Variants in IRF2BPL observed in about 807,000 individuals in gnomAD.
The protein encoded by IRF2BPL is probable E3 ubiquitin-protein ligase IRF2BPL.
Under a neutral mutation model 51.2 loss-of-function variants are expected in IRF2BPL, and 13 were observed. The ratio of observed to expected loss-of-function variants is 0.25; its 90% CI spans 0.17 to 0.40. IRF2BPL has a LOEUF of 0.40. IRF2BPL is among the 10% of genes least tolerant of loss of function. IRF2BPL has a pLI of 1.00. For missense variants in IRF2BPL, 1,210 were observed against 1,111.8 expected (o/e 1.09, Z -1.26); for synonymous variants, 768 against 509.2 (o/e 1.51, Z -6.84).
rs1455786439 is a variant in IRF2BPL at position 77,026,347 on chromosome 14, C to T, written c.1446G>A (p.Val482=). 5 of 1,602,310 alleles carry T rather than the reference C, an allele frequency of 3.1e-6. No individual in the cohort carries two copies. The highest frequency in any genetic ancestry group is 2.2e-5 in the South Asian group (2 of 89,696). ...CGGGCACGCCCTCCTTGAAGAAGCG[C>T]ACGGCTTCGGGGAGCAGGTCTCCAA... The part of the protein sequence containing the change: ...RLLGDLLPEA[V]RFFKEGVPGA... Residue 482 remains valine, a synonymous_variant, in exon 1 of 1, where the codon GTG becomes GTA. Transcript: ENST00000238647.
chr14:77,026,520 T>C lies in IRF2BPL; in HGVS notation c.1273A>G (p.Thr425Ala). 6.2e-7 allele frequency: 1 copy of C among 1,613,648 alleles called. No individual in the cohort carries two copies. The highest frequency in any genetic ancestry group is 8.5e-7 in the Non-Finnish European group (1 of 1,179,992). ...CTGGAGTACACGTTGCCCGAGCCCG[T>C]GGGGTACTCAATGAACAGCTTCAAT... ...YELKLFIEYP[T>A]GSGNVYSSAS... The change falls in exon 1 of 1, where the codon ACG (threonine) becomes GCG (alanine). Residue 425 changes from threonine (T) to alanine (A), a missense_variant. Coordinates refer to ENST00000238647, the MANE Select transcript of IRF2BPL (RefSeq NM_024496.4).
At position 77,027,087 on chromosome 14, in the gene IRF2BPL, C is replaced by G. The variant is rs756914236; in HGVS notation, c.706G>C (p.Val236Leu). The G allele has an allele frequency of 1.2e-6, 2 of 1,608,438 alleles. No homozygotes were observed. The highest frequency in any genetic ancestry group is 2.7e-5 in the African/African-American group (2 of 74,872). ...CCCCCCGGGTTGGGCAGCCCCGTAA[C>G]CAGCCCACCGTGCGTTCCACGCCGA... The part of the protein sequence containing the change: ...ASRRGTHGGL[V>L]TGLPNPGGGG... The change falls in exon 1 of 1, where the codon GTT becomes CTT. Residue 236 changes from valine to leucine, a missense_variant. Transcript: ENST00000238647.
chr14:77,027,555 T>C lies in IRF2BPL; in HGVS notation c.238A>G (p.Thr80Ala). 3 of 870,076 alleles carry C rather than the reference T, an allele frequency of 3.4e-6. No individual in the cohort carries two copies. Among genetic ancestry groups the C allele is most frequent in the Non-Finnish European group, 4.6e-6 (3 of 649,968 alleles). The allele number at this position is 870,076 out of a possible 1,614,324, so 53.9% of individuals were successfully genotyped here. The change falls in exon 1 of 1, where the codon ACA becomes GCA. Residue 80 changes from threonine (T) to alanine (A), a missense_variant. Physicochemically the swap from Thr to Ala is moderately conservative, Grantham distance 58. Transcript: ENST00000238647. ...PGPPPPVGVK[T>A]VALSAKEAAA... ...GCTTCCTTAGCCGACAGGGCCACTG[T>C]CTTGACCCCGACGGGCGGCGGCGGC...
rs1817356691 is a variant in IRF2BPL, at chr14:77,027,284, C to A, written c.509G>T (p.Arg170Leu). Reference protein sequence around the residue: ...AAAAAVEQRSRFEYPPPPVSL... With the variant: ...AAAAAVEQRSLFEYPPPPVSL... ...CACCGGCGGTGGCGGGTACTCGAAGCGGCTGCGCTGTTCCACCGCAGCGGC... is the reference window on the plus strand; with the variant it reads ...CACCGGCGGTGGCGGGTACTCGAAGAGGCTGCGCTGTTCCACCGCAGCGGC... Residue 170 changes from arginine (R) to leucine (L), a missense_variant, in exon 1 of 1, where the codon CGC becomes CTC. Transcript: ENST00000238647. The A allele has an allele frequency of 5.1e-6, 8 of 1,575,812 alleles. No homozygotes were observed. The highest frequency in any genetic ancestry group is 1.1e-5 in the South Asian group (1 of 87,366).
chr14:77,024,850 C>T lies in IRF2BPL; in HGVS notation c.*552G>A, dbSNP rs1024795175. 2.4e-5 allele frequency: 2 copies of T among 83,710 alleles called. No homozygotes were observed. Among genetic ancestry groups the T allele is most frequent in the East Asian group, 7.1e-4 (2 of 2,830 alleles). 5.2% of individuals were successfully genotyped at this position (83,710 alleles called of 1,614,324 possible). On this transcript the variant is annotated 3_prime_UTR_variant, in exon 1 of 1. Transcript: ENST00000238647. Reference sequence around the variant, plus strand: ...AAAACAGAAAAACAAAACAAAACAACAAAATAAAGTGAAGACTTCAACACT... The same window carrying T: ...AAAACAGAAAAACAAAACAAAACAATAAAATAAAGTGAAGACTTCAACACT...
In IRF2BPL at chr14:77,027,013, C is replaced by G; in HGVS notation, c.780G>C (p.Thr260=). Reference sequence around the variant, plus strand: ...CAGCGCTGGCCGGGCCGTTAAGCAGCGTCTGCGGTAGCAGGTTGGGGGGCA... The same window carrying G: ...CAGCGCTGGCCGGGCCGTTAAGCAGGGTCTGCGGTAGCAGGTTGGGGGGCA... ...LTVPPNLLPQ[T]LLNGPASAAV... is the part of the protein sequence containing the mutation. The change falls in exon 1 of 1, where the codon ACG becomes ACC. Residue 260 remains threonine, a synonymous_variant. Transcript: ENST00000238647. The G allele has an allele frequency of 6.6e-7, 1 of 1,519,356 alleles. No individual in the cohort carries two copies. The highest frequency in any genetic ancestry group is 8.8e-7 in the Non-Finnish European group (1 of 1,134,944). The allele number at this position is 1,519,356 out of a possible 1,614,324, so 94.1% of individuals were successfully genotyped here. A position where few individuals can be genotyped will look rare whatever the true frequency, so the allele number is the denominator to read the frequency against.
chr14:77,027,552 C>G lies in IRF2BPL; in HGVS notation c.241G>C (p.Val81Leu), dbSNP rs773063496. The change falls in exon 1 of 1, where the codon GTG becomes CTG. Residue 81 changes from valine to leucine, a missense_variant. By Grantham distance (32) the Val-to-Leu change is conservative (BLOSUM62 1). Transcript: ENST00000238647. Reference sequence around the variant, plus strand: ...GCCGCTTCCTTAGCCGACAGGGCCACTGTCTTGACCCCGACGGGCGGCGGC... The same window carrying G: ...GCCGCTTCCTTAGCCGACAGGGCCAGTGTCTTGACCCCGACGGGCGGCGGC... ...GPPPPVGVKT[V>L]ALSAKEAAAA... is the part of the protein sequence containing the mutation. 2 of 774,622 alleles carry G rather than the reference C, an allele frequency of 2.6e-6. No individual in the cohort carries two copies. The highest frequency in any genetic ancestry group is 6.3e-5 in the South Asian group (2 of 31,854). The allele number at this position is 774,622 out of a possible 1,614,324, so 48.0% of individuals were successfully genotyped here.
Position 77,025,392 on chromosome 14 carries a change from G to A in IRF2BPL, c.*10C>T, listed in dbSNP as rs1345282716. Reference sequence around the variant, plus strand: ...CTGGTCTAGGGCAAAGGAGGTGGCTGCCCAGTGGTTCAAGGGTCTCTCTCC... The same window carrying A: ...CTGGTCTAGGGCAAAGGAGGTGGCTACCCAGTGGTTCAAGGGTCTCTCTCC... On this transcript the variant is annotated 3_prime_UTR_variant, in exon 1 of 1. Transcript: ENST00000238647. 7.8e-6 allele frequency: 12 copies of A among 1,529,036 alleles called. No homozygotes were observed. The East Asian group carries it at 2.5e-4, about 32-fold the overall frequency. The allele number at this position is 1,529,036 out of a possible 1,614,324, so 94.7% of individuals were successfully genotyped here. A position where few individuals can be genotyped will look rare whatever the true frequency, so the allele number is the denominator to read the frequency against.
Position 77,027,196 on chromosome 14 carries a change from G to T in IRF2BPL, c.597C>A (p.Phe199Leu). 6.2e-7 allele frequency: 1 copy of T among 1,611,314 alleles called. No individual in the cohort carries two copies. Among genetic ancestry groups the T allele is most frequent in the South Asian group, 1.1e-5 (1 of 90,934 alleles). The change falls in exon 1 of 1, where the codon TTC (phenylalanine) becomes TTA (leucine). Residue 199 changes from phenylalanine to leucine, a missense_variant. Phe to Leu is a conservative substitution (Grantham distance 22, BLOSUM62 0). Coordinates refer to ENST00000238647, the MANE Select transcript of IRF2BPL (RefSeq NM_024496.4). Reference protein sequence around the residue: ...LPNGLGGPNGFPKPTPEEGPP... With the variant: ...LPNGLGGPNGLPKPTPEEGPP... Reference sequence around the variant, plus strand: ...GTCCCTCCTCTGGTGTTGGTTTGGGGAAGCCGTTTGGGCCCCCCAGGCCGT... The same window carrying T: ...GTCCCTCCTCTGGTGTTGGTTTGGGTAAGCCGTTTGGGCCCCCCAGGCCGT...
At position 77,028,531 on chromosome 14, in the gene IRF2BPL, C is replaced by T; in HGVS notation, c.-739G>A. 1 of 352,866 alleles carries T rather than the reference C, an allele frequency of 2.8e-6. No individual in the cohort carries two copies. Among genetic ancestry groups the T allele is most frequent in the Non-Finnish European group, 5.1e-6 (1 of 196,196 alleles). The allele number at this position is 352,866 out of a possible 1,614,324, so 21.9% of individuals were successfully genotyped here. Reference sequence around the variant, plus strand: ...CCCCCAGGCCTGGCCGGCGCCCGGGCCGCCGCGGCTGGCGGCGCTCACGTT... The same window carrying T: ...CCCCCAGGCCTGGCCGGCGCCCGGGTCGCCGCGGCTGGCGGCGCTCACGTT... On this transcript the variant is annotated 5_prime_UTR_variant, in exon 1 of 1. Coordinates refer to ENST00000238647, the MANE Select transcript of IRF2BPL (RefSeq NM_024496.4).
Position 77,025,926 on chromosome 14 carries a change from G to T in IRF2BPL, c.1867C>A (p.Pro623Thr). ...PESAPQNGPS[P>T]MAALMSVADT... ...GCCACCGACATGAGAGCGGCCATAG[G>T]GGACGGACCGTTCTGGGGGGCTGAC... Residue 623 changes from proline (P) to threonine (T), a missense_variant, in exon 1 of 1, where the codon CCT becomes ACT. Pro to Thr is a conservative substitution (Grantham distance 38). Coordinates refer to ENST00000238647, the MANE Select transcript of IRF2BPL (RefSeq NM_024496.4). The T allele has an allele frequency of 1.2e-6, 2 of 1,610,648 alleles. No individual in the cohort carries two copies. Among genetic ancestry groups the T allele is most frequent in the Non-Finnish European group, 1.7e-6 (2 of 1,179,016 alleles).
Position 77,026,082 on chromosome 14 carries a change from C to T in IRF2BPL, c.1711G>A (p.Ala571Thr), listed in dbSNP as rs1885106724. 2.5e-6 allele frequency: 4 copies of T among 1,572,686 alleles called. No individual in the cohort carries two copies. Among genetic ancestry groups the T allele is most frequent in the Non-Finnish European group, 3.4e-6 (4 of 1,164,268 alleles). ...GEEQQRQQWM[A>T]NQSEALKLTM... is the part of the protein sequence containing the mutation. Reference sequence around the variant, plus strand: ...AGCTTCAGCGCCTCGCTCTGGTTCGCCATCCACTGCTGCCTCTGCTGTTCC... The same window carrying T: ...AGCTTCAGCGCCTCGCTCTGGTTCGTCATCCACTGCTGCCTCTGCTGTTCC... The change falls in exon 1 of 1, where the codon GCG (alanine) becomes ACG (threonine). Residue 571 changes from alanine to threonine, a missense_variant. By Grantham distance (58) the Ala-to-Thr change is moderately conservative. Coordinates refer to ENST00000238647, the MANE Select transcript of IRF2BPL (RefSeq NM_024496.4).
Position 77,025,539 on chromosome 14 carries a change from C to A in IRF2BPL, c.2254G>T (p.Ala752Ser), listed in dbSNP as rs1885085864. Residue 752 changes from alanine (A) to serine (S), a missense_variant, in exon 1 of 1, where the codon GCC becomes TCC. Coordinates refer to ENST00000238647, the MANE Select transcript of IRF2BPL (RefSeq NM_024496.4). ...CSRESIKAQGATGEVYCPSGE... is the reference protein window; with the variant it reads ...CSRESIKAQGSTGEVYCPSGE... ...CTGGGGCAATACACCTCGCCGGTGG[C>A]CCCCTGGGCCTTGATACTCTCTCTA... The A allele has an allele frequency of 1.2e-6, 2 of 1,613,628 alleles. No homozygotes were observed. Among genetic ancestry groups the A allele is most frequent in the Non-Finnish European group, 1.7e-6 (2 of 1,179,804 alleles).
chr14:77,026,186 C>T lies in IRF2BPL; in HGVS notation c.1607G>A (p.Gly536Asp), dbSNP rs745856019. Residue 536 changes from glycine to aspartate, a missense_variant, in exon 1 of 1, where the codon GGC (glycine) becomes GAC (aspartate). By Grantham distance (94) the Gly-to-Asp change is moderately conservative. Transcript: ENST00000238647. ...TCTCTTGCGCAGGCTGGCGGCTGCGCCCCGGCCCGACGGCGCGGCGGGCGG... is the reference window on the plus strand; with the variant it reads ...TCTCTTGCGCAGGCTGGCGGCTGCGTCCCGGCCCGACGGCGCGGCGGGCGG... ...ALPPAAPSGR[G>D]AAASLRKRKA... 2.1e-6 allele frequency: 3 copies of T among 1,400,606 alleles called. No individual in the cohort carries two copies. The highest frequency in any genetic ancestry group is 2.8e-6 in the Non-Finnish European group (3 of 1,086,140). The allele number at this position is 1,400,606 out of a possible 1,614,324, so 86.8% of individuals were successfully genotyped here.
chr14:77,025,671 C>T lies in IRF2BPL; in HGVS notation c.2122G>A (p.Ala708Thr), dbSNP rs1257221421. Residue 708 changes from alanine (A) to threonine (T), a missense_variant, in exon 1 of 1, where the codon GCC (alanine) becomes ACC (threonine). Transcript: ENST00000238647. ...GTGCAGCAGAGGGGTCCGCTGTTGG[C>T]CATGGGGGAATCCGGAATGTTTTGG... is the stretch of plus-strand genomic sequence containing the variant. ...HPQNIPDSPM[A>T]NSGPLCCTIC... The T allele has an allele frequency of 1.3e-6, 2 of 1,562,956 alleles. No homozygotes were observed. Among genetic ancestry groups the T allele is most frequent in the East Asian group, 2.3e-5 (1 of 44,386 alleles).
At position 77,026,782 on chromosome 14, in the gene IRF2BPL, G is replaced by A. The variant is rs766729289; in HGVS notation, c.1011C>T (p.Ser337=). Residue 337 remains serine (S), a synonymous_variant, in exon 1 of 1, where the codon AGC becomes AGT. Transcript: ENST00000238647. ...AGGKRPGSVS[S]TDQERELKEK... ...CCTTCAACTCGCGCTCCTGGTCTGT[G>A]CTCGACACCGAGCCGGGCCTCTTAC... 11 of 1,612,518 alleles carry A rather than the reference G, an allele frequency of 6.8e-6. No homozygotes were observed. In the South Asian group the frequency reaches 8.8e-5, roughly 13 times the overall value.
Position 77,028,001 on chromosome 14 carries a change from G to T in IRF2BPL, c.-209C>A, listed in dbSNP as rs1291335740. On this transcript the variant is annotated 5_prime_UTR_variant, in exon 1 of 1. Coordinates refer to ENST00000238647, the MANE Select transcript of IRF2BPL (RefSeq NM_024496.4). ...TGGGGGCTCCACCGCCCGGGCAGCG[G>T]ACGGGTTCAGCCCTCTCTTCGCCCC... 9.0e-6 allele frequency: 5 copies of T among 556,174 alleles called. No homozygotes were observed. Among genetic ancestry groups the T allele is most frequent in the Non-Finnish European group, 1.5e-5 (5 of 332,998 alleles). The allele number at this position is 556,174 out of a possible 1,614,324, so 34.5% of individuals were successfully genotyped here. A position where few individuals can be genotyped will look rare whatever the true frequency, so the allele number is the denominator to read the frequency against.
Position 77,027,527 on chromosome 14 carries a change from G to T in IRF2BPL, c.266C>A (p.Ala89Glu), listed in dbSNP as rs1308039174. The T allele has an allele frequency of 1.4e-6, 1 of 697,584 alleles. No individual in the cohort carries two copies. Among genetic ancestry groups the T allele is most frequent in the African/African-American group, 2.1e-5 (1 of 47,166 alleles). 43.2% of individuals were successfully genotyped at this position (697,584 alleles called of 1,614,324 possible). The change falls in exon 1 of 1, where the codon GCG (alanine) becomes GAG (glutamate). Residue 89 changes from alanine (A) to glutamate (E), a missense_variant. Coordinates refer to ENST00000238647, the MANE Select transcript of IRF2BPL (RefSeq NM_024496.4). ...GGCCGCCGCTGCTGCCGCCGCCGCC[G>T]CCGCTTCCTTAGCCGACAGGGCCAC... Reference protein sequence around the residue: ...KTVALSAKEAAAAAAAAAAAA... With the variant: ...KTVALSAKEAEAAAAAAAAAA...
Position 77,025,349 on chromosome 14 carries a change from C to T in IRF2BPL, c.*53G>A. The T allele has an allele frequency of 7.4e-7, 1 of 1,358,754 alleles. No homozygotes were observed. The highest frequency in any genetic ancestry group is 9.9e-7 in the Non-Finnish European group (1 of 1,005,690). 84.2% of individuals were successfully genotyped at this position (1,358,754 alleles called of 1,614,324 possible). On this transcript the variant is annotated 3_prime_UTR_variant, in exon 1 of 1. Coordinates refer to ENST00000238647, the MANE Select transcript of IRF2BPL (RefSeq NM_024496.4). ...GTCGAGTTGGGTTGGGGGAGGGGCCCTCAGGATTGGAGAGGAGCTGGTCTA... is the reference window on the plus strand; with the variant it reads ...GTCGAGTTGGGTTGGGGGAGGGGCCTTCAGGATTGGAGAGGAGCTGGTCTA...
Sources: gnomAD v4.1 joint callset for allele counts on GRCh38, gnomAD v4.1.1 for gene constraint, MANE v1.5 for transcripts, NCBI Gene and HGNC (gene_info 2026-07-23, HGNC 2026-07-21) for gene names.